Variants in IL12RB2 observed in about 807,000 individuals in gnomAD.
The protein encoded by IL12RB2 is interleukin-12 receptor subunit beta-2.
Under a neutral mutation model 89.4 loss-of-function variants are expected in IL12RB2, and 82 were observed. The ratio of observed to expected loss-of-function variants is 0.92; its 90% CI spans 0.77 to 1.10. The LOEUF (loss-of-function observed/expected upper bound fraction) is 1.10, where lower values mean the gene tolerates loss of function less well. IL12RB2 is among the 50% of genes least tolerant of loss of function. The pLI is 0.00. For synonymous variants in IL12RB2, 368 were observed against 370.1 expected (o/e 0.99, Z 0.07); for missense variants, 963 against 1,031.9 (o/e 0.93, Z 0.92).
At chr1:67,394,652 C>T (rs757451641) in intron 16 of IL12RB2, among the ~76,000 whole-genome samples, 16 of 152,158 alleles carry the variant, frequency 1.1e-4, no homozygotes, top group Non-Finnish European at 1.9e-4. Context: ...GTAGTTCTCT[C>T]AAGGCACAAA....
intron 14 of IL12RB2, among the ~76,000 whole-genome samples, chr1:67,384,162 AT>A: frequency 1.3e-5 from 2 of 152,236 alleles, no homozygotes; most frequent in Admixed American, 6.5e-5. Context: ...GAGGTTCTCC[AT>A]AAGGGCTCCG....
intron 16 of IL12RB2, 90 bp downstream of exon 16, chr1:67,390,218 G>A (rs1464955525): frequency 1.3e-6 from 1 of 770,212 alleles, no homozygotes; most frequent in African/African-American, 1.7e-5. Flanking sequence ...AAGCCTGGGT[G>A]CTGAGATCCT....
At chr1:67,377,963 C>T (rs1448581723) in intron 13 of IL12RB2, among the ~76,000 whole-genome samples, 1 of 151,734 alleles carries the variant, frequency 6.6e-6, no homozygotes, top group Non-Finnish European at 1.5e-5. Flanking sequence ...CCCATCTCTA[C>T]AAAAATACAA....
intron 14 of IL12RB2, 90 bp downstream of exon 14, chr1:67,380,213 T>G: frequency 1.4e-6 from 2 of 1,408,440 alleles, no homozygotes; most frequent in Middle Eastern, 3.5e-4. Context: ...ATAATCAGAT[T>G]TTCTTTAATT....
At chr1:67,384,075 G>A (rs1363767807) in intron 14 of IL12RB2, among the ~76,000 whole-genome samples, 1 of 152,236 alleles carries the variant, frequency 6.6e-6, no homozygotes, top group Non-Finnish European at 1.5e-5. Flanking sequence ...TCTTTTCACA[G>A]TTCCACTAGG....
chr1:67,354,951 T>C (rs1301248798), intron 10 of IL12RB2, among the ~76,000 whole-genome samples: 1 of 152,190 alleles, frequency 6.6e-6, no homozygotes, highest in Admixed American at 6.5e-5. Flanking sequence ...TGTTAGCTTA[T>C]GATAAAAGTT....
At chr1:67,323,194 A>G (rs1656811064) in intron 4 of IL12RB2, among the ~76,000 whole-genome samples, 1 of 152,230 alleles carries the variant, frequency 6.6e-6, no homozygotes, top group Non-Finnish European at 1.5e-5. Context: ...CACCAGAAGC[A>G]CGGAGCAGAA....
At position 67,354,679 on chromosome 1, in the gene IL12RB2, C is replaced by T. The variant is rs185082155; in HGVS notation, c.1258+3590C>T. 1.8e-4 allele frequency among the ~76,000 whole-genome samples: 27 copies of T among 152,266 alleles called. No homozygotes were observed. The East Asian group carries it at 3.5e-3, about 20-fold the overall frequency. On this transcript the variant is annotated intron_variant, in intron 10 of 16. Transcript: ENST00000674203. Reference sequence around the variant, plus strand: ...CAGAAGGACCTGGAGAACAAATTGGCGAACTGCATGGTCCTGTCTTTGAGG... The same window carrying T: ...CAGAAGGACCTGGAGAACAAATTGGTGAACTGCATGGTCCTGTCTTTGAGG...
At chr1:67,329,260 A>G (rs1657737300) in intron 6 of IL12RB2, among the ~76,000 whole-genome samples, 1 of 152,042 alleles carries the variant, frequency 6.6e-6, no homozygotes, top group African/African-American at 2.4e-5. Flanking sequence ...CTTCTCAGTC[A>G]TTGGAACTCT....
intron 15 of IL12RB2, among the ~76,000 whole-genome samples, chr1:67,387,165 A>G (rs57462315): frequency 6.6e-6 from 1 of 151,360 alleles, no homozygotes; most frequent in African/African-American, 2.4e-5. Flanking sequence ...CCTGACCTCA[A>G]GTGATCCACC....
intron 10 of IL12RB2, among the ~76,000 whole-genome samples, chr1:67,366,452 C>CAAAAAAAAAAAAAAAAAA (rs11329710): frequency 5.6e-5 from 3 of 53,406 alleles, no homozygotes; most frequent in Non-Finnish European, 7.4e-5. Context: ...GACTCCATCT[C>CAAAAAAAAAAAAAAAAAA]AAAAAAAAAA....
intron 10 of IL12RB2, among the ~76,000 whole-genome samples, chr1:67,355,422 GAAAAA>G (rs1171395256): frequency 1.1e-5 from 1 of 93,676 alleles, no homozygotes; most frequent in Non-Finnish European, 2.1e-5. Context: ...GTCTCAAAAA[GAAAAA>G]AAAAAAAAAA....
intron 8 of IL12RB2, among the ~76,000 whole-genome samples, chr1:67,332,901 T>C (rs1218358453): frequency 6.6e-6 from 1 of 152,258 alleles, no homozygotes; most frequent in Admixed American, 6.5e-5. Context: ...GGTTTTTCTT[T>C]TCTTTTTTAA....
At chr1:67,333,107 T>C (rs1299474017) in intron 8 of IL12RB2, among the ~76,000 whole-genome samples, 1 of 152,206 alleles carries the variant, frequency 6.6e-6, no homozygotes. Context: ...AAACCCATAC[T>C]CTGAGATACA....
chr1:67,342,456 G>A (rs1659743375), intron 9 of IL12RB2, among the ~76,000 whole-genome samples: 1 of 152,092 alleles, frequency 6.6e-6, no homozygotes, highest in African/African-American at 2.4e-5. Context: ...TGCTGATTGG[G>A]TGCAGCCCCT....
At chr1:67,323,520 A>C (rs1558301215) in intron 4 of IL12RB2, among the ~76,000 whole-genome samples, 1 of 152,232 alleles carries the variant, frequency 6.6e-6, no homozygotes, top group Admixed American at 6.5e-5. Flanking sequence ...CATACAAGGC[A>C]CATGGGAGGC....
chr1:67,392,391 C>T (rs1340475543), intron 16 of IL12RB2, among the ~76,000 whole-genome samples: 1 of 152,060 alleles, frequency 6.6e-6, no homozygotes, highest in Non-Finnish European at 1.5e-5. Flanking sequence ...CTACAAGATA[C>T]TTAAAAGTAA....
intron 4 of IL12RB2, among the ~76,000 whole-genome samples, chr1:67,324,631 A>G (rs1311349341): frequency 6.6e-6 from 1 of 151,640 alleles, no homozygotes; most frequent in Non-Finnish European, 1.5e-5. Context: ...AATTACAGGC[A>G]TGAGCCACTG....
At chr1:67,360,397 AG>A (rs1159230840) in intron 10 of IL12RB2, among the ~76,000 whole-genome samples, 1 of 148,338 alleles carries the variant, frequency 6.7e-6, no homozygotes, top group Non-Finnish European at 1.5e-5. Flanking sequence ...AGACTGTCTC[AG>A]AAAGAAAAAA....
Sources: allele counts gnomAD v4.1 joint callset (sites outside exome capture counted in the v4.1 genomes callset), GRCh38; gene constraint gnomAD v4.1.1; transcripts MANE v1.5; gene names NCBI Gene and HGNC (gene_info 2026-07-23, HGNC 2026-07-21).